ARFGEF3: variants seen among roughly 807,000 people sequenced by gnomAD.
ARFGEF3 encodes the protein ARFGEF family member 3.
Under a neutral mutation model 221.7 loss-of-function variants are expected in ARFGEF3, and 96 were observed. The observed-to-expected ratio is 0.43, with a 90% CI of 0.37 to 0.51. ARFGEF3 has a LOEUF of 0.51. Among genes scored for constraint, ARFGEF3 ranks in the 20% least tolerant of loss-of-function variants. The probability of loss-of-function intolerance (pLI) is 0.00; values close to 1 mark genes in which losing one functional copy is unlikely to be tolerated. For missense variants in ARFGEF3, 2,410 were observed against 2,789.9 expected, an observed-to-expected ratio of 0.86 and a Z score of 3.07; for synonymous variants, 1,145 against 1,126.8, an observed-to-expected ratio of 1.02 and a Z score of -0.32.
chr6:138,234,185 G>A (rs2114539822), intron 5 of ARFGEF3, among the ~76,000 whole-genome samples: 1 of 152,292 alleles, frequency 6.6e-6, no homozygotes, highest in African/African-American at 2.4e-5. Flanking sequence ...CTTCAGTTTG[G>A]ACTGGTTCTC....
chr6:138,172,827 T>A (rs1212711987), intron 2 of ARFGEF3, among the ~76,000 whole-genome samples: 3 of 152,202 alleles, frequency 2.0e-5, no homozygotes, highest in Non-Finnish European at 4.4e-5. Context: ...AGAAATGTAT[T>A]TTTAATAAAA....
chr6:138,256,003 A>G (rs1778672531), intron 10 of ARFGEF3, among the ~76,000 whole-genome samples: 2 of 152,168 alleles, frequency 1.3e-5, no homozygotes, highest in South Asian at 4.1e-4. Context: ...GAATCGAGCT[A>G]GTGCTTGTTA....
At chr6:138,204,044 TAAA>T (rs778177250) in intron 2 of ARFGEF3, among the ~76,000 whole-genome samples, 5 of 151,754 alleles carry the variant, frequency 3.3e-5, no homozygotes, top group Non-Finnish European at 7.4e-5. Flanking sequence ...TCTGGGTACA[TAAA>T]AAGATTCGAG....
At chr6:138,279,958 A>C in intron 13 of ARFGEF3, 41 bp from the exon 14 acceptor site, 1 of 1,603,198 alleles carries the variant, frequency 6.2e-7, no homozygotes, top group East Asian at 2.2e-5. Flanking sequence ...GTTAGTGAGC[A>C]GGGTGTTATG....
chr6:138,241,930 A>G (rs1030512339), intron 6 of ARFGEF3, among the ~76,000 whole-genome samples: 1 of 152,244 alleles, frequency 6.6e-6, no homozygotes, highest in Non-Finnish European at 1.5e-5. Flanking sequence ...TAAAGTTGCT[A>G]CATTTAAATA....
rs1205367940 is a variant in ARFGEF3 at position 138,294,123 on chromosome 6, C to G, written c.3499C>G (p.Pro1167Ala). 6.2e-7 allele frequency: 1 copy of G among 1,613,464 alleles called. No individual in the cohort carries two copies. The highest frequency in any genetic ancestry group is 8.5e-7 in the Non-Finnish European group (1 of 1,179,766). The change falls in exon 20 of 34, where the codon CCA (proline) becomes GCA (alanine). Residue 1167 changes from proline to alanine, a missense_variant. Physicochemically the swap from Pro to Ala is conservative, Grantham distance 27. Transcript: ENST00000251691. ...TDTVDYSLAM[P>A]GEVKSTQDRK... Reference sequence around the variant, plus strand: ...TACAGTTGATTACTCTCTGGCAATGCCAGGTAATTCTTTCCCTGAATAAAC... The same window carrying G: ...TACAGTTGATTACTCTCTGGCAATGGCAGGTAATTCTTTCCCTGAATAAAC...
chr6:138,182,811 A>G (rs541611159), intron 2 of ARFGEF3, among the ~76,000 whole-genome samples: 6 of 152,156 alleles, frequency 3.9e-5, no homozygotes, highest in Non-Finnish European at 8.8e-5. Context: ...AAAACTGAAG[A>G]ATTACTGAGA....
intron 17 of ARFGEF3, 84 bp from the exon 18 acceptor site, chr6:138,289,733 CT>C: frequency 6.9e-7 from 1 of 1,438,896 alleles, no homozygotes; most frequent in African/African-American, 1.4e-5. Context: ...CCCTTTTGCC[CT>C]TGCATGACAC....
chr6:138,298,691 A>G lies in ARFGEF3; in HGVS notation c.3734A>G (p.Asn1245Ser), dbSNP rs138338427. Residue 1245 changes from asparagine (N) to serine (S), a missense_variant, in exon 22 of 34, where the codon AAT becomes AGT. By Grantham distance (46) the Asn-to-Ser change is conservative (BLOSUM62 1). Coordinates refer to ENST00000251691, the MANE Select transcript of ARFGEF3 (RefSeq NM_020340.5). ...CTGACAGAAGTCCTCACTGACTGGA[A>G]TGAGCCACCTCATTTTCACTTCAAT... ...DILTEVLTDW[N>S]EPPHFHFNEA... The G allele has an allele frequency of 1.5e-5, 24 of 1,613,578 alleles. No homozygotes were observed. The East Asian group carries it at 1.8e-4, about 12-fold the overall frequency.
chr6:138,256,834 G>T (rs543392187), intron 10 of ARFGEF3, among the ~76,000 whole-genome samples: 1 of 151,914 alleles, frequency 6.6e-6, no homozygotes, highest in East Asian at 1.9e-4. Flanking sequence ...GCCCAGGCTG[G>T]AGTGCAGTGG....
rs765351332 is a variant in ARFGEF3, at chr6:138,286,041, T to G, written c.2557T>G (p.Ser853Ala). The change falls in exon 15 of 34, where the codon TCC (serine) becomes GCC (alanine). Residue 853 changes from serine to alanine, a missense_variant. Around this residue, in one of 5 missense-constraint regions of ARFGEF3, gnomAD observed 594 missense variants for 734.3 expected, o/e 0.81. Coordinates refer to ENST00000251691, the MANE Select transcript of ARFGEF3 (RefSeq NM_020340.5). ...PFAQSRRIDD[S>A]TVAGVAFARY... ...CGCCCAGAGCAGGAGAATTGATGAC[T>G]CCACAGTGGCAGGTAATGACTTGGG... 6.3e-7 allele frequency: 1 copy of G among 1,599,616 alleles called. No individual in the cohort carries two copies. The highest frequency in any genetic ancestry group is 1.1e-5 in the South Asian group (1 of 90,932).
intron 2 of ARFGEF3, among the ~76,000 whole-genome samples, chr6:138,187,268 A>C (rs1777208244): frequency 1.3e-5 from 2 of 152,144 alleles, no homozygotes; most frequent in Non-Finnish European, 2.9e-5. Flanking sequence ...AGCCTTGTGG[A>C]TAGAAACAAA....
At position 138,185,199 on chromosome 6, in the gene ARFGEF3, A is replaced by C. The variant is rs573695983; in HGVS notation, c.137+14486A>C. On this transcript the variant is annotated intron_variant, in intron 2 of 33. Transcript: ENST00000251691. ...TCTTCCTCCAAAACGTTTCACCTTC[A>C]AATGATGCTTGGAGCAGCTATAGCT... is the stretch of plus-strand genomic sequence containing the variant. Among the ~76,000 whole-genome samples, 224 of 152,342 alleles carry C rather than the reference A, an allele frequency of 1.5e-3. 2 individuals are homozygous for C. The highest frequency in any genetic ancestry group is 1.7e-3 in the Non-Finnish European group (115 of 68,028).
intron 4 of ARFGEF3, among the ~76,000 whole-genome samples, chr6:138,225,087 A>G (rs1173635786): frequency 3.3e-5 from 5 of 152,102 alleles, no homozygotes; most frequent in Non-Finnish European, 1.5e-5. Context: ...TCTTTTTTCC[A>G]AATGCGCAAC....
intron 6 of ARFGEF3, among the ~76,000 whole-genome samples, chr6:138,239,436 T>A (rs1181402034): frequency 2.6e-5 from 4 of 151,874 alleles, no homozygotes; most frequent in Non-Finnish European, 5.9e-5. Context: ...TCACCTGAGG[T>A]TAGGAGTTTG....
chr6:138,282,923 C>A (rs1449169930), intron 14 of ARFGEF3, among the ~76,000 whole-genome samples: 1 of 152,106 alleles, frequency 6.6e-6, no homozygotes, highest in Non-Finnish European at 1.5e-5. Context: ...TGTTGACCAG[C>A]ACTTGTAGTC....
At chr6:138,251,163 G>A (rs1234280519) in intron 8 of ARFGEF3, among the ~76,000 whole-genome samples, 1 of 152,166 alleles carries the variant, frequency 6.6e-6, no homozygotes, top group Non-Finnish European at 1.5e-5. Context: ...CTGATAACCT[G>A]GGGGTTGAAG....
intron 2 of ARFGEF3, among the ~76,000 whole-genome samples, chr6:138,187,478 A>G (rs979048250): frequency 5.3e-5 from 8 of 152,182 alleles, no homozygotes; most frequent in Non-Finnish European, 1.2e-4. Flanking sequence ...TCAGGTGGGT[A>G]GGCATAGCTG....
At chr6:138,329,227 T>C (rs1224564806) in intron 32 of ARFGEF3, among the ~76,000 whole-genome samples, 1 of 152,166 alleles carries the variant, frequency 6.6e-6, no homozygotes, top group Non-Finnish European at 1.5e-5. Flanking sequence ...GACACGTTAA[T>C]AGTAATACCA....
Sources: allele counts gnomAD v4.1 joint callset (sites outside exome capture counted in the v4.1 genomes callset), GRCh38; gene constraint gnomAD v4.1.1; regional missense constraint gnomAD v4.1.1; transcripts MANE v1.5; gene names NCBI Gene and HGNC (gene_info 2026-07-23, HGNC 2026-07-21).